Variants in DOCK3 observed in about 807,000 individuals in gnomAD.
DOCK3 encodes the protein dedicator of cytokinesis protein 3.
In DOCK3, 60 loss-of-function variants were observed where a neutral mutation model predicts 265.6. The ratio of observed to expected loss-of-function variants is 0.23; its 90% CI spans 0.18 to 0.28. DOCK3 has a LOEUF of 0.28. Ranked by LOEUF, DOCK3 falls within the 10% of genes least tolerant of loss-of-function variation. The pLI is 1.00. For synonymous variants in DOCK3, 881 were observed against 938.0 expected, an observed-to-expected ratio of 0.94 and a Z score of 1.11; for missense variants, 1,981 against 2,594.3, an observed-to-expected ratio of 0.76 and a Z score of 5.14.
At chr3:50,887,122 T>C (rs904881405) in intron 3 of DOCK3, among the ~76,000 whole-genome samples, 12 of 151,722 alleles carry the variant, frequency 7.9e-5, no homozygotes, top group Non-Finnish European at 1.6e-4. Context: ...CTAGCAAGAC[T>C]AATAAAGAAG....
intron 27 of DOCK3, among the ~76,000 whole-genome samples, chr3:51,283,691 A>G (rs2081260053): frequency 1.3e-5 from 2 of 152,112 alleles, no homozygotes; most frequent in Admixed American, 1.3e-4. Context: ...ATAATTTCAG[A>G]CAAACTCCTC....
At chr3:51,064,918 T>C (rs1245380855) in intron 6 of DOCK3, among the ~76,000 whole-genome samples, 3 of 152,194 alleles carry the variant, frequency 2.0e-5, no homozygotes, top group Non-Finnish European at 4.4e-5. Flanking sequence ...CAGAATACAC[T>C]TGAAAATATA....
At chr3:51,217,963 C>T (rs746398332) in intron 14 of DOCK3, among the ~76,000 whole-genome samples, 15 of 151,400 alleles carry the variant, frequency 9.9e-5, no homozygotes, top group East Asian at 7.8e-4. Flanking sequence ...ACTAAAAATA[C>T]GAAAATTAGC....
intron 2 of DOCK3, among the ~76,000 whole-genome samples, chr3:50,789,759 T>A (rs1235691666): frequency 6.6e-6 from 1 of 152,210 alleles, no homozygotes. Context: ...AGTCTCTCTG[T>A]CTGTCATCCA....
chr3:50,737,617 T>C (rs2038726161), intron 1 of DOCK3, among the ~76,000 whole-genome samples: 1 of 152,228 alleles, frequency 6.6e-6, no homozygotes, highest in South Asian at 2.1e-4. Context: ...TTCATTCTTT[T>C]CTTTCTCCTT....
At chr3:50,685,210 A>G (rs1370099642) in intron 1 of DOCK3, among the ~76,000 whole-genome samples, 3 of 151,980 alleles carry the variant, frequency 2.0e-5, no homozygotes, top group Non-Finnish European at 4.4e-5. Flanking sequence ...TTACTTTCCT[A>G]CTTTTGAGCA....
At chr3:51,284,235 C>G (rs962867581) in intron 27 of DOCK3, among the ~76,000 whole-genome samples, 1 of 152,162 alleles carries the variant, frequency 6.6e-6, no homozygotes, top group Admixed American at 6.5e-5. Flanking sequence ...ATGAGTCTGT[C>G]TAGACCTCAG....
rs183689717 is a variant in DOCK3, at chr3:50,885,499, A to C, written c.163-4527A>C. ...ACTGCCAGTGTCTTTTAAAGTGACT[A>C]TACCATTTTGCATTCGTACCAGCAA... On this transcript the variant is annotated intron_variant, in intron 3 of 52. Transcript: ENST00000266037. Among the ~76,000 whole-genome samples, 215 of 151,918 alleles carry C rather than the reference A, an allele frequency of 1.4e-3. No individual in the cohort carries two copies. The Middle Eastern group carries it at 0.017, about 12-fold the overall frequency.
chr3:51,091,570 C>G (rs2082637935), intron 9 of DOCK3, among the ~76,000 whole-genome samples: 1 of 150,400 alleles, frequency 6.6e-6, no homozygotes, highest in African/African-American at 2.5e-5. Context: ...GTAAGCCCAG[C>G]TATTCAGGAG....
intron 5 of DOCK3, among the ~76,000 whole-genome samples, chr3:51,062,728 A>G (rs2081453150): frequency 6.6e-6 from 1 of 152,260 alleles, no homozygotes; most frequent in South Asian, 2.1e-4. Context: ...GTGGATGTAT[A>G]CATGCAATGG....
chr3:51,161,525 C>G (rs746449046), intron 12 of DOCK3, among the ~76,000 whole-genome samples: 1 of 152,088 alleles, frequency 6.6e-6, no homozygotes, highest in Non-Finnish European at 1.5e-5. Flanking sequence ...GCCCAGGCAG[C>G]ATTATTTTTA....
chr3:51,131,196 A>G (rs7630730), intron 9 of DOCK3, among the ~76,000 whole-genome samples: 138,697 of 152,118 alleles, frequency 0.91, 63,377 homozygotes, highest in African/African-American at 0.95. Flanking sequence ...GCTCAGTCAG[A>G]TGACCCACTG....
intron 5 of DOCK3, among the ~76,000 whole-genome samples, chr3:50,977,219 A>T (rs2077485674): frequency 6.6e-6 from 1 of 151,058 alleles, no homozygotes; most frequent in Non-Finnish European, 1.5e-5. Context: ...TCATTAGTTG[A>T]TGCAGTTTCT....
intron 22 of DOCK3, among the ~76,000 whole-genome samples, chr3:51,247,569 CAT>C (rs1197058396): frequency 6.6e-6 from 1 of 152,218 alleles, no homozygotes; most frequent in Non-Finnish European, 1.5e-5. Flanking sequence ...TCCTTTTCCA[CAT>C]GTTTAACAGG....
In DOCK3 at chr3:51,333,272, G is replaced by A. The variant is rs186230424; in HGVS notation, c.3611+19G>A. The stretch of plus-strand genomic sequence containing the variant: ...ACTACAGGTATCTTCTCAGCCACCC[G>A]CTCCCCTCTTCCCTTGTCAGGATAC... On this transcript the variant is annotated intron_variant, in intron 35 of 52. Transcript: ENST00000266037. The A allele has an allele frequency of 3.9e-5, 62 of 1,607,192 alleles. No individual in the cohort carries two copies. The highest frequency in any genetic ancestry group is 8.3e-5 in the Admixed American group (5 of 60,008).
At chr3:51,186,180 C>A (rs1370535175) in intron 12 of DOCK3, among the ~76,000 whole-genome samples, 1 of 152,104 alleles carries the variant, frequency 6.6e-6, no homozygotes, top group Non-Finnish European at 1.5e-5. Context: ...ACAATAAGGT[C>A]CAGGCTGAGT....
intron 9 of DOCK3, among the ~76,000 whole-genome samples, chr3:51,103,691 C>A (rs2109755321): frequency 6.6e-6 from 1 of 152,324 alleles, no homozygotes; most frequent in East Asian, 1.9e-4. Flanking sequence ...TAAAATACCT[C>A]TGCCTTCAAG....
At chr3:50,977,879 T>C (rs1575662034) in intron 5 of DOCK3, among the ~76,000 whole-genome samples, 2 of 152,130 alleles carry the variant, frequency 1.3e-5, no homozygotes, top group East Asian at 3.9e-4. Flanking sequence ...CCCTTCTCGC[T>C]TCATTTCATT....
At chr3:51,097,304 C>T (rs2082896742) in intron 9 of DOCK3, among the ~76,000 whole-genome samples, 1 of 152,166 alleles carries the variant, frequency 6.6e-6, no homozygotes, top group Admixed American at 6.5e-5. Flanking sequence ...GATGCCCTTC[C>T]CAGAGTGGAG....
Sources: allele counts gnomAD v4.1 joint callset (sites outside exome capture counted in the v4.1 genomes callset), GRCh38; gene constraint gnomAD v4.1.1; transcripts MANE v1.5; gene names NCBI Gene and HGNC (gene_info 2026-07-23, HGNC 2026-07-21).